The following SMCHD1 variants were observed in gnomAD, a reference collection of about 807,000 sequenced individuals.
SMCHD1 encodes structural maintenance of chromosomes flexible hinge domain containing 1.
A neutral mutation model predicts 254.7 loss-of-function variants in SMCHD1; 78 were observed. The ratio of observed to expected loss-of-function variants is 0.31; its 90% CI spans 0.26 to 0.37. The LOEUF (loss-of-function observed/expected upper bound fraction) is 0.37. SMCHD1 is among the 10% of genes least tolerant of loss of function. The probability of loss-of-function intolerance (pLI) is 1.00; values close to 1 mark genes in which losing one functional copy is unlikely to be tolerated. For synonymous variants in SMCHD1, 766 were observed against 794.9 expected, an observed-to-expected ratio of 0.96 and a Z score of 0.61; for missense variants, 1,840 against 2,408.1, an observed-to-expected ratio of 0.76 and a Z score of 4.94.
In SMCHD1 at chr18:2,747,527, T is replaced by A; in HGVS notation, c.3807T>A (p.Ile1269=). ...AATATTTCTATTCTTTTCAGTCCAT[T>A]CCAGTGATTAATGGAAGAGATTTAC... The part of the protein sequence containing the change: ...LIDWPELKES[I]PVINGRDLQN... The change falls in exon 30 of 48, where the codon ATT becomes ATA. Residue 1269 remains isoleucine (I), a synonymous_variant. Coordinates refer to ENST00000320876, the MANE Select transcript of SMCHD1 (RefSeq NM_015295.3). The A allele has an allele frequency of 6.2e-7, 1 of 1,604,368 alleles. No homozygotes were observed. The highest frequency in any genetic ancestry group is 8.5e-7 in the Non-Finnish European group (1 of 1,173,416).
At position 2,743,844 on chromosome 18, in the gene SMCHD1, T is replaced by G; in HGVS notation, c.3717T>G (p.Arg1239=). 1.2e-6 allele frequency: 2 copies of G among 1,613,338 alleles called. No individual in the cohort carries two copies. The highest frequency in any genetic ancestry group is 2.2e-5 in the South Asian group (2 of 90,994). ...ATAAGGATCTTTGTTTTACTTGGCG[T>G]GAGTTTTCTGACTTTATTCGAGTGC... ...PGNKDLCFTW[R]EFSDFIRVQL... is the part of the protein sequence containing the mutation. Residue 1239 remains arginine (R), a synonymous_variant, in exon 29 of 48, where the codon CGT becomes CGG. Coordinates refer to ENST00000320876, the MANE Select transcript of SMCHD1 (RefSeq NM_015295.3).
intron 7 of SMCHD1, among the ~76,000 whole-genome samples, 154 bp from the exon 8 acceptor site, chr18:2,694,373 G>C (rs1308585841): frequency 1.3e-5 from 2 of 152,186 alleles, no homozygotes; most frequent in African/African-American, 2.4e-5. Flanking sequence ...CACATACTCA[G>C]CCAGTTTGTT....
chr18:2,751,386 C>T lies in SMCHD1; in HGVS notation c.4274C>T (p.Pro1425Leu). The part of the protein sequence containing the change: ...WKLSTSGNRP[P>L]ANAETFSCNK... Reference sequence around the variant, plus strand: ...CTGTCTACCAGTGGGAACCGACCCCCAGCAAATGTGAGTCATGGGAAGCAT... The same window carrying T: ...CTGTCTACCAGTGGGAACCGACCCCTAGCAAATGTGAGTCATGGGAAGCAT... The change falls in exon 33 of 48, where the codon CCA becomes CTA. Residue 1425 changes from proline to leucine, a missense_variant. Around this residue, in one of 9 missense-constraint regions of SMCHD1, gnomAD observed 881 missense variants for 1,009.5 expected, o/e 0.87. Transcript: ENST00000320876. The T allele has an allele frequency of 6.4e-7, 1 of 1,554,030 alleles. No homozygotes were observed. Among genetic ancestry groups the T allele is most frequent in the Non-Finnish European group, 8.7e-7 (1 of 1,155,228 alleles).
At chr18:2,703,941 A>T in intron 13 of SMCHD1, 55 bp downstream of exon 13, 1 of 1,319,054 alleles carries the variant, frequency 7.6e-7, no homozygotes, top group Non-Finnish European at 1.0e-6. Flanking sequence ...AATTTAAAAC[A>T]CATATGCAGA....
chr18:2,772,196 T>A (rs2075996326), intron 40 of SMCHD1, 54 bp from the exon 41 acceptor site: 1 of 1,413,484 alleles, frequency 7.1e-7, no homozygotes, highest in African/African-American at 1.5e-5. Flanking sequence ...CATTATGGGC[T>A]GCCTGGTTCA....
At chr18:2,769,937 T>G in intron 38 of SMCHD1, 52 bp from the exon 39 acceptor site, 1 of 1,538,598 alleles carries the variant, frequency 6.5e-7, no homozygotes, top group Non-Finnish European at 8.7e-7. Flanking sequence ...ATGACATATT[T>G]TAGAAAAGTC....
At chr18:2,726,615 T>C (rs2075032328) in intron 22 of SMCHD1, 91 bp downstream of exon 22, 1 of 535,128 alleles carries the variant, frequency 1.9e-6, no homozygotes. Flanking sequence ...GGGCTTTTAG[T>C]AGTGGTGTAA....
chr18:2,736,102 CTG>C (rs1331109922), intron 25 of SMCHD1, among the ~76,000 whole-genome samples: 1 of 152,162 alleles, frequency 6.6e-6, no homozygotes, highest in African/African-American at 2.4e-5. Context: ...AGAAATAAAA[CTG>C]TACACATACA....
intron 14 of SMCHD1, among the ~76,000 whole-genome samples, chr18:2,706,019 A>G (rs1287442677): frequency 1.3e-5 from 2 of 152,168 alleles, no homozygotes; most frequent in East Asian, 1.9e-4. Flanking sequence ...TATATACATT[A>G]TAACTAGTTA....
Position 2,778,251 on chromosome 18 carries a change from A to G in SMCHD1, c.5547+12A>G. The G allele has an allele frequency of 6.3e-7, 1 of 1,579,750 alleles. No homozygotes were observed. The highest frequency in any genetic ancestry group is 8.7e-7 in the Non-Finnish European group (1 of 1,155,752). On this transcript the variant is annotated intron_variant, in intron 44 of 47. Coordinates refer to ENST00000320876, the MANE Select transcript of SMCHD1 (RefSeq NM_015295.3). Reference sequence around the variant, plus strand: ...ATTATAGAAAAGAGGTATGTATTTGATTTCTTTTTAAATTTGTAGACTTCA... The same window carrying G: ...ATTATAGAAAAGAGGTATGTATTTGGTTTCTTTTTAAATTTGTAGACTTCA...
Position 2,707,757 on chromosome 18 carries a change from T to G in SMCHD1, c.2147-50T>G, listed in dbSNP as rs776831195. ...AATGCAATGGGAAGATTTGGCAGAT[T>G]CAGCAAATTTTTGGGTGTAATTAAG... On this transcript the variant is annotated intron_variant, in intron 16 of 47. Coordinates refer to ENST00000320876, the MANE Select transcript of SMCHD1 (RefSeq NM_015295.3). 14 of 1,528,770 alleles carry G rather than the reference T, an allele frequency of 9.2e-6. No homozygotes were observed. In the African/African-American group the frequency reaches 1.8e-4, roughly 20 times the overall value. 94.7% of individuals were successfully genotyped at this position (1,528,770 alleles called of 1,614,324 possible).
intron 35 of SMCHD1, 73 bp downstream of exon 35, chr18:2,760,812 C>A: frequency 1.4e-6 from 1 of 736,616 alleles, no homozygotes; most frequent in Non-Finnish European, 2.3e-6. Context: ...TTCTGCATTA[C>A]ATGAAATAGC....
intron 19 of SMCHD1, among the ~76,000 whole-genome samples, chr18:2,719,226 C>CTTTCT (rs1288046157): frequency 6.7e-5 from 10 of 150,120 alleles, no homozygotes; most frequent in East Asian, 5.8e-4. Flanking sequence ...TGTTCCTTTC[C>CTTTCT]TTTCTTTTCT....
At chr18:2,662,409 G>T (rs2073308586) in intron 1 of SMCHD1, among the ~76,000 whole-genome samples, 1 of 151,724 alleles carries the variant, frequency 6.6e-6, no homozygotes, top group African/African-American at 2.4e-5. Context: ...ACTTTGGGAG[G>T]CCAAGGCAGG....
intron 5 of SMCHD1, among the ~76,000 whole-genome samples, chr18:2,684,509 C>G (rs1305387969): frequency 1.3e-5 from 2 of 151,992 alleles, no homozygotes; most frequent in Non-Finnish European, 2.9e-5. Context: ...AAGAGGGTTT[C>G]TTTTACGCTA....
At chr18:2,753,617 C>T (rs1304664016) in intron 34 of SMCHD1, among the ~76,000 whole-genome samples, 6 of 152,218 alleles carry the variant, frequency 3.9e-5, no homozygotes, top group South Asian at 2.1e-4. Context: ...CAGTGGCTCA[C>T]TGCAACCTCT....
chr18:2,770,043 C>G lies in SMCHD1; in HGVS notation c.4901C>G (p.Ser1634Cys). 9 of 1,603,418 alleles carry G rather than the reference C, an allele frequency of 5.6e-6. No homozygotes were observed. The highest frequency in any genetic ancestry group is 6.8e-6 in the Non-Finnish European group (8 of 1,177,190). The change falls in exon 39 of 48, where the codon TCT (serine) becomes TGT (cysteine). Residue 1634 changes from serine to cysteine, a missense_variant. Around this residue, in one of 9 missense-constraint regions of SMCHD1, gnomAD observed 881 missense variants for 1,009.5 expected, o/e 0.87. Transcript: ENST00000320876. ...CTTACAAAAGAAAAGGACCAATTAT[C>G]TCAGTCTATTGTTATGTATAAAAGT... Reference protein sequence around the residue: ...AALTKEKDQLSQSIVMYKSLF... With the variant: ...AALTKEKDQLCQSIVMYKSLF...
At chr18:2,743,133 A>T (rs1337402991) in intron 28 of SMCHD1, among the ~76,000 whole-genome samples, 1 of 152,224 alleles carries the variant, frequency 6.6e-6, no homozygotes, top group African/African-American at 2.4e-5. Context: ...GTGTGGAATC[A>T]TTCAGTCATA....
intron 25 of SMCHD1, among the ~76,000 whole-genome samples, chr18:2,734,691 T>C (rs536858824): frequency 5.3e-5 from 8 of 151,254 alleles, no homozygotes; most frequent in Admixed American, 2.0e-4. Flanking sequence ...AGACTAAAGA[T>C]GGTTTTAAAA....
Sources: allele counts gnomAD v4.1 joint callset (sites outside exome capture counted in the v4.1 genomes callset), GRCh38; gene constraint gnomAD v4.1.1; regional missense constraint gnomAD v4.1.1; transcripts MANE v1.5; gene names NCBI Gene and HGNC (gene_info 2026-07-23, HGNC 2026-07-21).